SUN1: variants seen among roughly 807,000 people sequenced by gnomAD.
The protein encoded by SUN1 is SUN domain-containing protein 1.
Under a neutral mutation model 103.2 loss-of-function variants are expected in SUN1, and 61 were observed. That is an observed-to-expected ratio of 0.59 (90% CI 0.48 to 0.73). The LOEUF (loss-of-function observed/expected upper bound fraction) is 0.73. Ranked by LOEUF, SUN1 falls within the 30% of genes least tolerant of loss-of-function variation. The pLI, the probability that SUN1 is intolerant of heterozygous loss-of-function variation, is 0.00. For missense variants in SUN1, 1,052 were observed against 1,034.6 expected (o/e 1.02, Z -0.23); for synonymous variants, 490 against 425.7 (o/e 1.15, Z -1.86).
intron 17 of SUN1, among the ~76,000 whole-genome samples, chr7:872,046 C>T (rs1410642725): frequency 1.3e-5 from 2 of 152,188 alleles, no homozygotes; most frequent in Non-Finnish European, 2.9e-5. Context: ...CTGCTCTCTT[C>T]CCAAAGTCGG....
At chr7:838,392 T>A (rs749535719) in intron 1 of SUN1, among the ~76,000 whole-genome samples, 1 of 152,224 alleles carries the variant, frequency 6.6e-6, no homozygotes, top group Non-Finnish European at 1.5e-5. Flanking sequence ...CTGCGTGGAT[T>A]CATTCTACGG....
chr7:830,865 G>T, upstream of SUN1: 1 of 823,466 alleles, frequency 1.2e-6, no homozygotes, highest in Non-Finnish European at 1.5e-6. Context: ...GTTGTTGCTC[G>T]GCAGTGCAGG....
intron 5 of SUN1, chr7:849,524 T>C: frequency 1.5e-6 from 2 of 1,375,886 alleles, no homozygotes; most frequent in Admixed American, 1.9e-5. Flanking sequence ...TTGCAGCTCA[T>C]GCCAGTTACT....
At chr7:839,070 C>T in intron 2 of SUN1, 84 bp downstream of exon 2, 4 of 1,357,880 alleles carry the variant, frequency 2.9e-6, no homozygotes, top group Non-Finnish European at 3.9e-6. Context: ...TGTAAAGCCG[C>T]ACCCTGTCTC....
At chr7:844,714 C>T (rs373424486) in intron 5 of SUN1, among the ~76,000 whole-genome samples, 3 of 152,214 alleles carry the variant, frequency 2.0e-5, no homozygotes, top group African/African-American at 7.2e-5. Context: ...GGACCAGCAC[C>T]GCTGAGCGGC....
intron 6 of SUN1, 52 bp downstream of exon 6, chr7:851,534 A>G (rs1822123728): frequency 7.1e-7 from 1 of 1,411,874 alleles, no homozygotes; most frequent in Non-Finnish European, 9.5e-7. Flanking sequence ...TCTGGCAGCT[A>G]AGCACCTGCA....
chr7:870,685 GT>G (rs150532481), intron 17 of SUN1, among the ~76,000 whole-genome samples: 24,212 of 152,054 alleles, frequency 0.16, 2,065 homozygotes, highest in South Asian at 0.24. Flanking sequence ...AATCCCCCGT[GT>G]TTATCTGGCC....
intron 15 of SUN1, among the ~76,000 whole-genome samples, chr7:862,756 C>T (rs951041152): frequency 7.2e-5 from 11 of 152,186 alleles, no homozygotes; most frequent in African/African-American, 2.4e-4. Flanking sequence ...TTGAAGAAAA[C>T]ATTGATTGAC....
chr7:838,843 A>G lies in SUN1; in HGVS notation c.123A>G (p.Lys41=). 6.3e-7 allele frequency: 1 copy of G among 1,576,214 alleles called. No individual in the cohort carries two copies. The highest frequency in any genetic ancestry group is 1.7e-4 in the Middle Eastern group (1 of 6,016). ...CTCTGGATTTTGAGACGGAGCACAA[A>G]TTGGACCCTGTATTTGATTCTCCAC... ...SDALDFETEH[K]LDPVFDSPRM... Residue 41 remains lysine, a synonymous_variant, in exon 2 of 19, where the codon AAA becomes AAG. Coordinates refer to ENST00000401592, the MANE Select transcript of SUN1 (RefSeq NM_001130965.3).
At chr7:825,493 C>T (rs760009772) in intron 1 of SUN1, among the ~76,000 whole-genome samples, 5 of 152,160 alleles carry the variant, frequency 3.3e-5, no homozygotes, top group Non-Finnish European at 5.9e-5. Context: ...TGTTATTTTT[C>T]GAGAAGTACT....
chr7:856,216 CT>C (rs1371678229), intron 11 of SUN1, 141 bp from the exon 12 acceptor site: 9 of 780,262 alleles, frequency 1.2e-5, no homozygotes, highest in Non-Finnish European at 1.9e-5. Context: ...TGAACACTTC[CT>C]ACCTGCCACC....
At chr7:852,542 G>A in intron 7 of SUN1, 67 bp from the exon 8 acceptor site, 1 of 1,597,314 alleles carries the variant, frequency 6.3e-7, no homozygotes, top group Non-Finnish European at 8.6e-7. Context: ...ATCTAGAGGG[G>A]GAAAACAGAT....
At chr7:832,845 A>C in intron 1 of SUN1, 2 of 456,000 alleles carry the variant, frequency 4.4e-6, no homozygotes, top group South Asian at 3.8e-5. Flanking sequence ...GCTGGCTTCG[A>C]CCCCACCCAG....
In SUN1 at chr7:860,172, A is replaced by C; in HGVS notation, c.1569A>C (p.Glu523Asp). ...VREMVKLLFS[E>D]DQQGGSLEQL... ...AAATGGTGAAACTCCTGTTTTCCGA[A>C]GATCAGCAAGGCGGTTCTCTGGAAC... is the stretch of plus-strand genomic sequence containing the variant. Residue 523 changes from glutamate to aspartate, a missense_variant, in exon 14 of 19, where the codon GAA becomes GAC. Glu to Asp is a conservative substitution (Grantham distance 45). Transcript: ENST00000401592. The C allele has an allele frequency of 6.2e-7, 1 of 1,614,230 alleles. No individual in the cohort carries two copies. Among genetic ancestry groups the C allele is most frequent in the East Asian group, 2.2e-5 (1 of 44,890 alleles).
intron 5 of SUN1, 159 bp from the exon 6 acceptor site, chr7:851,225 T>A (rs1257393364): frequency 5.4e-6 from 3 of 558,216 alleles, no homozygotes; most frequent in Non-Finnish European, 9.6e-6. Context: ...TTGCCAGCAC[T>A]TACAAGAGTT....
intron 6 of SUN1, 26 bp downstream of exon 6, chr7:851,508 C>G (rs375642686): frequency 1.3e-6 from 2 of 1,572,404 alleles, no homozygotes; most frequent in Non-Finnish European, 1.7e-6. Context: ...TTCTGTGTTG[C>G]GTTCTCTCCA....
At chr7:842,973 T>G in intron 3 of SUN1, 2 of 635,272 alleles carry the variant, frequency 3.1e-6, no homozygotes, top group Non-Finnish European at 5.6e-6. Context: ...TTAGGCCAGG[T>G]GCTGTGTGTG....
upstream of SUN1, chr7:830,957 C>A (rs10215843): frequency 3.3e-5 from 33 of 985,218 alleles, no homozygotes; most frequent in Non-Finnish European, 3.7e-5. Flanking sequence ...CTCAGGAGCC[C>A]AGGCATGGTG....
At chr7:816,766 G>A (rs1392065737) in intron 1 of SUN1, 1 of 147,564 alleles carries the variant, frequency 6.8e-6, no homozygotes, top group African/African-American at 2.4e-5. Flanking sequence ...GGGGGACGCG[G>A]GGTCGCGGCC....
Sources: gnomAD v4.1 joint callset for allele counts (sites outside exome capture counted in the v4.1 genomes callset) on GRCh38, gnomAD v4.1.1 for gene constraint, MANE v1.5 for transcripts, NCBI Gene and HGNC (gene_info 2026-07-23, HGNC 2026-07-21) for gene names.